ITGB4: variants seen among roughly 807,000 people sequenced by gnomAD.
The protein encoded by ITGB4 is integrin subunit beta 4.
Under a neutral mutation model 207.6 loss-of-function variants are expected in ITGB4, and 159 were observed. The observed-to-expected ratio is 0.77, with a 90% CI of 0.67 to 0.87. The LOEUF (loss-of-function observed/expected upper bound fraction) is 0.87. Ranked by LOEUF, ITGB4 falls within the 40% of genes least tolerant of loss-of-function variation. ITGB4 has a pLI of 0.00. For missense variants in ITGB4, 2,278 were observed against 2,546.8 expected, an observed-to-expected ratio of 0.89 and a Z score of 2.27; for synonymous variants, 1,020 against 1,062.7, an observed-to-expected ratio of 0.96 and a Z score of 0.78.
chr17:75,744,482 A>G (rs900890548), intron 26 of ITGB4, among the ~76,000 whole-genome samples: 3 of 152,082 alleles, frequency 2.0e-5, no homozygotes, highest in African/African-American at 7.2e-5. Flanking sequence ...GTCCCCTCCT[A>G]CAACTCAGGA....
At position 75,728,405 on chromosome 17, in the gene ITGB4, C is replaced by A; in HGVS notation, c.498C>A (p.Asp166Glu). The change falls in exon 6 of 40, where the codon GAC (aspartate) becomes GAA (glutamate). Residue 166 changes from aspartate (D) to glutamate (E), a missense_variant. By Grantham distance (45) the Asp-to-Glu change is conservative (BLOSUM62 2). Coordinates refer to ENST00000200181, the MANE Select transcript of ITGB4 (RefSeq NM_000213.5). ...LARVLSQLTS[D>E]YTIGFGKFVD... Reference sequence around the variant, plus strand: ...GGGTCCTGAGCCAGCTCACCAGCGACTACACTATTGGATTTGGCAAGTTTG... The same window carrying A: ...GGGTCCTGAGCCAGCTCACCAGCGAATACACTATTGGATTTGGCAAGTTTG... 6.2e-7 allele frequency: 1 copy of A among 1,614,200 alleles called. No individual in the cohort carries two copies. Among genetic ancestry groups the A allele is most frequent in the Non-Finnish European group, 8.5e-7 (1 of 1,180,026 alleles).
intron 34 of ITGB4, chr17:75,755,148 C>T (rs748491561): frequency 7.4e-6 from 12 of 1,611,716 alleles, no homozygotes; most frequent in Admixed American, 1.7e-5. Context: ...GGGTTCCCCC[C>T]TTCCAGGGGC....
Position 75,742,841 on chromosome 17 carries a change from C to A in ITGB4, c.2962+80C>A. ...TCCTCCTGCTTAAGTGGAATTGCGA[C>A]CTGGCCACGTGGCCTGGGCTAGTCA... On this transcript the variant is annotated intron_variant, in intron 25 of 39. Transcript: ENST00000200181. The surrounding 1 kb of genome is among the most constrained non-coding windows in gnomAD (Gnocchi z 5.9). 7.3e-7 allele frequency: 1 copy of A among 1,373,430 alleles called. No homozygotes were observed. The highest frequency in any genetic ancestry group is 1.0e-6 in the Non-Finnish European group (1 of 1,002,762). 85.1% of individuals were successfully genotyped at this position (1,373,430 alleles called of 1,614,324 possible).
rs772615108 is a variant in ITGB4, at chr17:75,733,668, C to T, written c.1633C>T (p.Arg545Cys). Residue 545 changes from arginine (R) to cysteine (C), a missense_variant, in exon 13 of 40, where the codon CGC (arginine) becomes TGC (cysteine). Arg to Cys is a radical substitution (Grantham distance 180, BLOSUM62 -3). Coordinates refer to ENST00000200181, the MANE Select transcript of ITGB4 (RefSeq NM_000213.5). ...FCEYDNFQCP[R>C]TSGFLCNDRG... The stretch of plus-strand genomic sequence containing the variant: ...CGAGTATGACAACTTCCAGTGTCCC[C>T]GCACTTCCGGGTTCCTCTGCAATGG... The T allele has an allele frequency of 4.3e-5, 69 of 1,613,996 alleles. No homozygotes were observed. The highest frequency in any genetic ancestry group is 2.0e-4 in the East Asian group (9 of 44,896).
In ITGB4 at chr17:75,729,101, T is replaced by A. The variant is rs1260491945; in HGVS notation, c.567-164T>A. ...TGAACCCAGGAGGCAGAGGTTGCAG[T>A]GAGCCAAGATCGTGCATACCGCACA... On this transcript the variant is annotated intron_variant, in intron 6 of 39. Coordinates refer to ENST00000200181, the MANE Select transcript of ITGB4 (RefSeq NM_000213.5). This position sits in a 1 kb window ranked among gnomAD's most constrained non-coding sequence, Gnocchi z 4.4. Among the ~76,000 whole-genome samples the A allele has an allele frequency of 6.8e-6, 1 of 147,356 alleles. No homozygotes were observed. The highest frequency in any genetic ancestry group is 2.5e-5 in the African/African-American group (1 of 39,424).
intron 26 of ITGB4, among the ~76,000 whole-genome samples, chr17:75,745,806 G>A (rs2061220562): frequency 6.6e-6 from 1 of 152,100 alleles, no homozygotes; most frequent in African/African-American, 2.4e-5. Context: ...TGGAAACCAG[G>A]AGGTGGAGGC....
Position 75,736,072 on chromosome 17 carries a change from G to A in ITGB4, c.1679G>A (p.Gly560Asp), listed in dbSNP as rs1381815171. 1.2e-6 allele frequency: 2 copies of A among 1,613,992 alleles called. No individual in the cohort carries two copies. The highest frequency in any genetic ancestry group is 1.7e-6 in the Non-Finnish European group (2 of 1,180,030). The part of the protein sequence containing the change: ...LCNDRGRCSM[G>D]QCVCEPGWTG... ...GCAGACCGAGGACGCTGCTCCATGG[G>A]CCAGTGTGTGTGTGAGCCTGGTTGG... The change falls in exon 14 of 40, where the codon GGC becomes GAC. Residue 560 changes from glycine (G) to aspartate (D), a missense_variant. Gly to Asp is a moderately conservative substitution (Grantham distance 94). Coordinates refer to ENST00000200181, the MANE Select transcript of ITGB4 (RefSeq NM_000213.5).
At position 75,738,694 on chromosome 17, in the gene ITGB4, A is replaced by G. The variant is rs142240374; in HGVS notation, c.2221-978A>G. On this transcript the variant is annotated intron_variant, in intron 18 of 39. Coordinates refer to ENST00000200181, the MANE Select transcript of ITGB4 (RefSeq NM_000213.5). The stretch of plus-strand genomic sequence containing the variant: ...AGCTGGCGGTCACTGGGGAGAACAG[A>G]CAAGAGAAAGCGTGGAGGATGGCAT... 3.6e-3 allele frequency among the ~76,000 whole-genome samples: 548 copies of G among 152,370 alleles called. 3 individuals carry two copies. The highest frequency in any genetic ancestry group is 6.8e-3 in the Non-Finnish European group (462 of 68,042).
chr17:75,757,655 A>G lies in ITGB4; in HGVS notation c.*100A>G, dbSNP rs746207022. The G allele has an allele frequency of 8.6e-6, 13 of 1,519,092 alleles. No individual in the cohort carries two copies. The highest frequency in any genetic ancestry group is 1.2e-5 in the Non-Finnish European group (13 of 1,097,772). 94.1% of individuals were successfully genotyped at this position (1,519,092 alleles called of 1,614,324 possible). ...TCCATCCTTGCACCCCTGGGGGCCCAGCCCACCCGCATGCACAGAGCAGGG... is the reference window on the plus strand; with the variant it reads ...TCCATCCTTGCACCCCTGGGGGCCCGGCCCACCCGCATGCACAGAGCAGGG... On this transcript the variant is annotated 3_prime_UTR_variant, in exon 40 of 40. Transcript: ENST00000200181.
Position 75,732,254 on chromosome 17 carries a change from G to A in ITGB4, c.1454+15G>A, listed in dbSNP as rs1354078917. On this transcript the variant is annotated intron_variant, in intron 12 of 39. Transcript: ENST00000200181. This position sits in a 1 kb window ranked among gnomAD's most constrained non-coding sequence, Gnocchi z 5.3. ...AGCGAGGGCTGGTGAGTGGGGAAGG[G>A]AGTTGGGCACCCAGGACACCAGTGG... The A allele has an allele frequency of 6.2e-7, 1 of 1,613,400 alleles. No individual in the cohort carries two copies. The highest frequency in any genetic ancestry group is 1.1e-5 in the South Asian group (1 of 91,074).
At chr17:75,744,214 G>A (rs1599279702) in intron 26 of ITGB4, among the ~76,000 whole-genome samples, 2 of 150,250 alleles carry the variant, frequency 1.3e-5, no homozygotes, top group East Asian at 2.0e-4. Flanking sequence ...TCCACCTCTC[G>A]GGTTCAAGCG....
chr17:75,740,383 G>C lies in ITGB4; in HGVS notation c.2472G>C (p.Leu824=). The change falls in exon 21 of 40, where the codon CTG becomes CTC. Residue 824 remains leucine, a synonymous_variant. Transcript: ENST00000200181. This position sits in a 1 kb window ranked among gnomAD's most constrained non-coding sequence, Gnocchi z 5.9. The part of the protein sequence containing the change: ...ELVPYGLSLR[L]ARLCTENLLK... ...TGCCCTACGGGCTGTCCTTGCGCCT[G>C]GCCCGCCTTTGCACCGAGAACCTGC... 6.2e-7 allele frequency: 1 copy of C among 1,613,708 alleles called. No homozygotes were observed. Among genetic ancestry groups the C allele is most frequent in the Non-Finnish European group, 8.5e-7 (1 of 1,180,002 alleles).
Position 75,727,449 on chromosome 17 carries a change from G to A in ITGB4, c.208G>A (p.Ala70Thr), listed in dbSNP as rs569235037. Residue 70 changes from alanine to threonine, a missense_variant, in exon 4 of 40, where the codon GCG becomes ACG. By Grantham distance (58) the Ala-to-Thr change is moderately conservative. Coordinates refer to ENST00000200181, the MANE Select transcript of ITGB4 (RefSeq NM_000213.5). This position sits in a 1 kb window ranked among gnomAD's most constrained non-coding sequence, Gnocchi z 6.0. ...RCNTQAELLA[A>T]GCQRESIVVM... ...CAACACCCAGGCGGAGCTGCTGGCC[G>A]CGGGCTGCCAGCGGGAGAGCATCGT... The A allele has an allele frequency of 1.7e-5, 28 of 1,613,970 alleles. No individual in the cohort carries two copies. The highest frequency in any genetic ancestry group is 3.3e-5 in the Admixed American group (2 of 60,026).
intron 15 of ITGB4, 57 bp from the exon 16 acceptor site, chr17:75,736,508 G>A (rs2060978916): frequency 6.3e-7 from 1 of 1,595,218 alleles, no homozygotes; most frequent in South Asian, 1.1e-5. Context: ...GGGGAGCGGG[G>A]GTCTGGCAGA....
At chr17:75,736,446 G>A in intron 15 of ITGB4, 60 bp downstream of exon 15, 1 of 1,609,614 alleles carries the variant, frequency 6.2e-7, no homozygotes, top group Non-Finnish European at 8.5e-7. Flanking sequence ...GGCAGTGTGG[G>A]CAGGAGGGGC....
rs778567874 is a variant in ITGB4 at position 75,742,757 on chromosome 17, G to A, written c.2958G>A (p.Glu986=). Residue 986 remains glutamate, a synonymous_variant, in exon 25 of 40, where the codon GAG becomes GAA. Transcript: ENST00000200181. This position sits in a 1 kb window ranked among gnomAD's most constrained non-coding sequence, Gnocchi z 5.9. ...RRLVNITIIK[E]QARDVVSFEQ... ...TGGTAAACATCACCATCATCAAGGA[G>A]CAAGGTGGGTCTGGGTGGGGAGAGT... 1 of 1,608,446 alleles carries A rather than the reference G, an allele frequency of 6.2e-7. No homozygotes were observed. The highest frequency in any genetic ancestry group is 8.5e-7 in the Non-Finnish European group (1 of 1,179,846).
In ITGB4 at chr17:75,732,055, G is replaced by C. The variant is rs994723727; in HGVS notation, c.1377+82G>C. The C allele has an allele frequency of 1.2e-6, 2 of 1,608,544 alleles. No individual in the cohort carries two copies. The highest frequency in any genetic ancestry group is 1.7e-6 in the Non-Finnish European group (2 of 1,175,512). The stretch of plus-strand genomic sequence containing the variant: ...CTGAGGAATGAAGCAGGACTCCTGT[G>C]CCCCATATCCCTTGTGGGGTTTCCC... On this transcript the variant is annotated intron_variant, in intron 11 of 39. Coordinates refer to ENST00000200181, the MANE Select transcript of ITGB4 (RefSeq NM_000213.5). This position sits in a 1 kb window ranked among gnomAD's most constrained non-coding sequence, Gnocchi z 5.3.
Position 75,731,751 on chromosome 17 carries a change from A to C in ITGB4, c.1216-61A>C. The C allele has an allele frequency of 6.7e-7, 1 of 1,501,948 alleles. No homozygotes were observed. The highest frequency in any genetic ancestry group is 8.9e-7 in the Non-Finnish European group (1 of 1,117,882). 93.0% of individuals were successfully genotyped at this position (1,501,948 alleles called of 1,614,324 possible). The stretch of plus-strand genomic sequence containing the variant: ...ACTTGGGGGCCGAGGGCCTTCAGGC[A>C]TCGATGGCCCCCTGGTCCTTGGGGC... On this transcript the variant is annotated intron_variant, in intron 10 of 39. Transcript: ENST00000200181. This position sits in a 1 kb window ranked among gnomAD's most constrained non-coding sequence, Gnocchi z 6.8.
chr17:75,747,127 TATAA>T (rs1414287338), intron 26 of ITGB4, among the ~76,000 whole-genome samples: 2 of 152,242 alleles, frequency 1.3e-5, no homozygotes, highest in Middle Eastern at 3.4e-3. Context: ...AACATAGAAA[TATAA>T]ATAGAGATGT....
Sources: gnomAD v4.1 joint callset for allele counts (sites outside exome capture counted in the v4.1 genomes callset) on GRCh38, gnomAD v4.1.1 for gene constraint, Gnocchi (gnomAD v3.1) non-coding constraint, MANE v1.5 for transcripts, NCBI Gene and HGNC (gene_info 2026-07-23, HGNC 2026-07-21) for gene names.